ALOX5: variants seen among roughly 807,000 people sequenced by gnomAD.
The protein encoded by ALOX5 is arachidonate 5-lipoxygenase.
In ALOX5, 64 loss-of-function variants were observed where a neutral mutation model predicts 87.9. That is an observed-to-expected ratio of 0.73 (90% confidence interval 0.60 to 0.90). ALOX5 has a LOEUF of 0.90. ALOX5 is among the 40% of genes least tolerant of loss of function. The pLI is 0.00. For synonymous variants in ALOX5, 388 were observed against 355.1 expected (o/e 1.09, Z -1.04); for missense variants, 822 against 907.5 (o/e 0.91, Z 1.21).
chr10:45,374,747 C>T (rs1007885723), intron 1 of ALOX5, among the ~76,000 whole-genome samples: 5 of 152,222 alleles, frequency 3.3e-5, no homozygotes, highest in African/African-American at 1.2e-4. Context: ...TTCCCCTCCA[C>T]TTCAAGATCT....
rs530055293 is a variant in ALOX5 at position 45,415,131 on chromosome 10, C to A, written c.554+2818C>A. ...AATCATGCTGCTATAAAGACACATG[C>A]ACACGTATGTTTATTGTGGCACTAT... On this transcript the variant is annotated intron_variant, in intron 4 of 13. Transcript: ENST00000374391. 6.3e-4 allele frequency among the ~76,000 whole-genome samples: 96 copies of A among 152,286 alleles called. No homozygotes were observed. In the Middle Eastern group the frequency reaches 0.01, roughly 16 times the overall value.
intron 3 of ALOX5, among the ~76,000 whole-genome samples, chr10:45,397,178 T>A (rs1840541455): frequency 1.3e-5 from 2 of 152,242 alleles, no homozygotes; most frequent in Middle Eastern, 3.4e-3. Context: ...GTCAAGAGAT[T>A]GAGACCATCC....
chr10:45,440,288 AC>A (rs1206624079), intron 7 of ALOX5, 141 bp from the exon 8 acceptor site: 2 of 836,428 alleles, frequency 2.4e-6, no homozygotes, highest in Admixed American at 2.7e-5. Flanking sequence ...AGGGCCCTTT[AC>A]CCCCTCCAGG....
rs143257667 is a variant in ALOX5 at position 45,443,475 on chromosome 10, C to T, written c.1511C>T (p.Pro504Leu). ...GGCGACCAGGTGGTGGAGGAGGACC[C>T]GGAGCTGCAGGACTTCGTGAACGAT... ...YEGDQVVEED[P>L]ELQDFVNDVY... Residue 504 changes from proline to leucine, a missense_variant, in exon 11 of 14, where the codon CCG (proline) becomes CTG (leucine). Physicochemically the swap from Pro to Leu is moderately conservative, Grantham distance 98 (BLOSUM62 -3). Coordinates refer to ENST00000374391, the MANE Select transcript of ALOX5 (RefSeq NM_000698.5). The T allele has an allele frequency of 6.8e-6, 11 of 1,612,884 alleles. No individual in the cohort carries two copies. The highest frequency in any genetic ancestry group is 4.0e-5 in the African/African-American group (3 of 74,880).
intron 9 of ALOX5, among the ~76,000 whole-genome samples, chr10:45,442,300 G>A (rs1206065655): frequency 6.6e-6 from 1 of 152,180 alleles, no homozygotes; most frequent in African/African-American, 2.4e-5. Flanking sequence ...TCCACCTCAG[G>A]TTCTCATGTG....
intron 9 of ALOX5, 90 bp from the exon 10 acceptor site, chr10:45,442,948 C>A: frequency 7.1e-7 from 1 of 1,417,328 alleles, no homozygotes; most frequent in East Asian, 2.3e-5. Flanking sequence ...TGCCTGGCCT[C>A]CTCGCCTCCC....
intron 5 of ALOX5, among the ~76,000 whole-genome samples, chr10:45,424,687 C>T (rs937257088): frequency 2.0e-5 from 3 of 152,068 alleles, no homozygotes; most frequent in Admixed American, 6.5e-5. Context: ...CCACGCCCTC[C>T]TTCTTCCATC....
intron 9 of ALOX5, among the ~76,000 whole-genome samples, chr10:45,442,134 G>A (rs1842255549): frequency 6.6e-6 from 1 of 152,188 alleles, no homozygotes; most frequent in African/African-American, 2.4e-5. Context: ...GAGGGTCGGG[G>A]GCCTCAGCCA....
At chr10:45,410,644 G>A (rs1352949116) in intron 3 of ALOX5, among the ~76,000 whole-genome samples, 2 of 152,106 alleles carry the variant, frequency 1.3e-5, no homozygotes, top group East Asian at 1.9e-4. Flanking sequence ...CCAAAATCTC[G>A]ATATTTTACT....
At chr10:45,443,250 G>C in intron 10 of ALOX5, 34 bp downstream of exon 10, 3 of 1,602,044 alleles carry the variant, frequency 1.9e-6, no homozygotes, top group Non-Finnish European at 2.6e-6. Flanking sequence ...CCTGGGGGAG[G>C]AGCCGGGACC....
chr10:45,394,846 C>A (rs145207659), intron 2 of ALOX5, among the ~76,000 whole-genome samples: 8,696 of 152,254 alleles, frequency 0.057, 352 homozygotes, highest in Non-Finnish European at 0.084. Context: ...CCAACAGACA[C>A]ATGAAAAAAT....
chr10:45,404,691 G>A (rs1172827947), intron 3 of ALOX5, among the ~76,000 whole-genome samples: 1 of 152,190 alleles, frequency 6.6e-6, no homozygotes, highest in South Asian at 2.1e-4. Flanking sequence ...ATGGGCAGGC[G>A]GGCTGTCTTT....
chr10:45,409,879 C>T (rs541969843), intron 3 of ALOX5, among the ~76,000 whole-genome samples: 9 of 152,374 alleles, frequency 5.9e-5, no homozygotes, highest in African/African-American at 2.2e-4. Context: ...AGCAAGCTGT[C>T]CTGTCTCCAT....
chr10:45,375,568 C>CA (rs1393408255), intron 1 of ALOX5, among the ~76,000 whole-genome samples: 1 of 152,212 alleles, frequency 6.6e-6, no homozygotes, highest in Admixed American at 6.5e-5. Context: ...TCATAATGGA[C>CA]AAATACAACC....
At chr10:45,406,792 A>G (rs1043962316) in intron 3 of ALOX5, among the ~76,000 whole-genome samples, 2 of 152,208 alleles carry the variant, frequency 1.3e-5, no homozygotes, top group Admixed American at 1.3e-4. Flanking sequence ...ATGTGCTCAT[A>G]TTATCTAAAT....
chr10:45,428,133 G>A (rs1057005624), intron 6 of ALOX5, among the ~76,000 whole-genome samples: 8 of 45,740 alleles, frequency 1.7e-4, no homozygotes, highest in Admixed American at 8.4e-4. Context: ...CCCTTCCCCC[G>A]CAGCCCCCCT....
rs536899036 is a variant in ALOX5 at position 45,392,903 on chromosome 10, G to A, written c.350-2952G>A. 1.8e-4 allele frequency among the ~76,000 whole-genome samples: 28 copies of A among 152,198 alleles called. No individual in the cohort carries two copies. In the South Asian group the frequency reaches 5.0e-3, roughly 27 times the overall value. On this transcript the variant is annotated intron_variant, in intron 2 of 13. Transcript: ENST00000374391. ...ATACACCCTCCCAAGACTAAACCAG[G>A]AAGAAGTTGAATCCCTGAATAGACC...
At chr10:45,391,838 G>T (rs1379795652) in intron 2 of ALOX5, among the ~76,000 whole-genome samples, 1 of 150,248 alleles carries the variant, frequency 6.7e-6, no homozygotes, top group African/African-American at 2.5e-5. Context: ...CATCTGAGAA[G>T]TGAGGAGCCC....
intron 1 of ALOX5, among the ~76,000 whole-genome samples, chr10:45,379,882 G>T (rs2310776): frequency 1.8e-4 from 28 of 152,150 alleles, no homozygotes; most frequent in African/African-American, 6.5e-4. Context: ...AGGGCCCACC[G>T]AGCCTTCTAC....
Sources: allele counts gnomAD v4.1 joint callset (sites outside exome capture counted in the v4.1 genomes callset), GRCh38; gene constraint gnomAD v4.1.1; transcripts MANE v1.5; gene names NCBI Gene and HGNC (gene_info 2026-07-23, HGNC 2026-07-21).